Variants in GPC3 observed in about 807,000 individuals in gnomAD.
The protein encoded by GPC3 is glypican-3.
A neutral mutation model predicts 34.4 loss-of-function variants in GPC3; 3 were observed. That is an observed-to-expected ratio of 0.09 (90% CI 0.04 to 0.23). GPC3 has a LOEUF of 0.23. Ranked by LOEUF, GPC3 falls within the 10% of genes least tolerant of loss-of-function variation. GPC3 has a pLI of 1.00. For missense variants in GPC3, 351 were observed against 445.6 expected (o/e 0.79, Z 1.91); for synonymous variants, 177 against 174.0 (o/e 1.02, Z -0.13).
intron 2 of GPC3, among the ~76,000 whole-genome samples, chrX:133,840,348 C>A (rs1375286885): frequency 9.0e-6 from 1 of 110,513 alleles, no homozygotes; most frequent in African/African-American, 3.3e-5. Flanking sequence ...GTGATTGAGG[C>A]TAGGGGAGGG....
At chrX:133,707,281 A>G (rs2071227000) in intron 3 of GPC3, among the ~76,000 whole-genome samples, 1 of 111,562 alleles carries the variant, frequency 9.0e-6, no homozygotes, top group East Asian at 2.8e-4. Flanking sequence ...GGGTGATGGG[A>G]CCATCCATAC....
intron 3 of GPC3, among the ~76,000 whole-genome samples, chrX:133,701,473 C>T (rs1211052402): frequency 8.9e-6 from 1 of 112,034 alleles, no homozygotes; most frequent in East Asian, 2.8e-4. Flanking sequence ...CAGTGGCTTA[C>T]ATTCTCCATT....
rs1437632202 is a variant in GPC3 at position 133,788,109 on chromosome X, T to TATAC, written c.338-33934_338-33933insGTAT. Among the ~76,000 whole-genome samples the TATAC allele has an allele frequency of 7.8e-5, 7 of 89,625 alleles. No individual in the cohort carries two copies. The East Asian group carries it at 2.5e-3, about 32-fold the overall frequency. 77.8% of individuals were successfully genotyped at this position (89,625 alleles called of 115,157 possible). ...TATTTTATATATATATATATATATATATATATATATATATGTATGTATATA... is the reference window on the plus strand; with the variant it reads ...TATTTTATATATATATATATATATATATACATATATATATATATGTATGTATATA... On this transcript the variant is annotated intron_variant, in intron 2 of 7. Transcript: ENST00000370818.
chrX:133,728,601 T>C (rs1032530262), intron 3 of GPC3, among the ~76,000 whole-genome samples: 3 of 112,732 alleles, frequency 2.7e-5, no homozygotes, highest in African/African-American at 9.7e-5. Flanking sequence ...CAGCACTGTA[T>C]CTATGCAGGT....
At chrX:133,958,013 T>C (rs1184528524) in intron 1 of GPC3, among the ~76,000 whole-genome samples, 1 of 111,580 alleles carries the variant, frequency 9.0e-6, no homozygotes, top group Non-Finnish European at 1.9e-5. Flanking sequence ...CTAAAAAAAT[T>C]AACTGAAGTC....
chrX:133,741,560 G>A (rs933064359), intron 3 of GPC3, among the ~76,000 whole-genome samples: 1 of 112,250 alleles, frequency 8.9e-6, no homozygotes, highest in Non-Finnish European at 1.9e-5. Flanking sequence ...ACTGGGTCTG[G>A]TTCTGGGCAA....
intron 7 of GPC3, among the ~76,000 whole-genome samples, chrX:133,580,114 G>A (rs928967236): frequency 1.8e-5 from 2 of 112,002 alleles, no homozygotes; most frequent in African/African-American, 6.5e-5. Context: ...GTTGGGGCCA[G>A]ATTAGGAAAG....
At chrX:133,617,259 C>A (rs1362880029) in intron 6 of GPC3, among the ~76,000 whole-genome samples, 1 of 111,491 alleles carries the variant, frequency 9.0e-6, no homozygotes, top group African/African-American at 3.3e-5. Flanking sequence ...TTTTCTAATT[C>A]TATTGTCTCA....
chrX:133,770,849 T>C (rs1267151008), intron 2 of GPC3, among the ~76,000 whole-genome samples: 1 of 112,237 alleles, frequency 8.9e-6, no homozygotes, highest in Non-Finnish European at 1.9e-5. Context: ...AGGATTGTTC[T>C]TCTATTTTCT....
intron 2 of GPC3, among the ~76,000 whole-genome samples, chrX:133,893,987 C>T (rs1031236011): frequency 3.6e-5 from 4 of 110,626 alleles, no homozygotes; most frequent in Non-Finnish European, 5.7e-5. Flanking sequence ...GGATTACAGG[C>T]GCCCGCCATC....
chrX:133,661,932 T>C, intron 5 of GPC3, 82 bp from the exon 6 acceptor site: 2 of 1,113,097 alleles, frequency 1.8e-6, no homozygotes, highest in Non-Finnish European at 2.5e-6. Flanking sequence ...GCATCAACAG[T>C]CAGACTGACC....
At chrX:133,931,606 A>G (rs1370494007) in intron 2 of GPC3, among the ~76,000 whole-genome samples, 1 of 111,984 alleles carries the variant, frequency 8.9e-6, no homozygotes, top group Non-Finnish European at 1.9e-5. Flanking sequence ...TAACAGGATT[A>G]CTGCAGGGAT....
chrX:133,739,053 C>T (rs1478796793), intron 3 of GPC3, among the ~76,000 whole-genome samples: 1 of 111,147 alleles, frequency 9.0e-6, no homozygotes, highest in Admixed American at 9.6e-5. Flanking sequence ...TCTTAGTGTG[C>T]CTAATTTATA....
rs747126955 is a variant in GPC3 at position 133,721,184 on chromosome X, G to T, written c.1033-21156C>A. Among the ~76,000 whole-genome samples the T allele has an allele frequency of 2.8e-5, 3 of 108,535 alleles. No individual in the cohort carries two copies. The South Asian group carries it at 1.2e-3, about 42-fold the overall frequency. 94.2% of individuals were successfully genotyped at this position (108,535 alleles called of 115,157 possible). ...GACTAAAATGGAAATAACTGAAATA[G>T]ATAATAGAAAAACATTAGAGAAAAT... On this transcript the variant is annotated intron_variant, in intron 3 of 7. Coordinates refer to ENST00000370818, the MANE Select transcript of GPC3 (RefSeq NM_004484.4).
At position 133,799,082 on chromosome X, in the gene GPC3, A is replaced by T. The variant is rs2284121; in HGVS notation, c.338-44906T>A. On this transcript the variant is annotated intron_variant, in intron 2 of 7. Coordinates refer to ENST00000370818, the MANE Select transcript of GPC3 (RefSeq NM_004484.4). The stretch of plus-strand genomic sequence containing the variant: ...GCTTCTGAGTGCAGGGCTTTGTGTG[A>T]CTGCACAGTTGCACGATCCTGAAGT... Among the ~76,000 whole-genome samples, 1,708 of 112,092 alleles carry T rather than the reference A, an allele frequency of 0.015. 96 individuals are homozygous for T. In the East Asian group the frequency reaches 0.25, roughly 16 times the overall value.
intron 2 of GPC3, among the ~76,000 whole-genome samples, chrX:133,826,131 C>T (rs186302780): frequency 3.6e-5 from 4 of 111,627 alleles, no homozygotes; most frequent in South Asian, 3.8e-4. Flanking sequence ...ACAAAAGACA[C>T]GCAAAGAAAC....
intron 2 of GPC3, among the ~76,000 whole-genome samples, chrX:133,859,702 C>T (rs1207604352): frequency 8.9e-6 from 1 of 112,543 alleles, no homozygotes; most frequent in East Asian, 2.8e-4. Context: ...GTTTGCAAAG[C>T]ATCATCAGTA....
At chrX:133,536,589 T>C (rs192657733) in intron 7 of GPC3, among the ~76,000 whole-genome samples, 133 of 110,324 alleles carry the variant, frequency 1.2e-3, no homozygotes, top group African/African-American at 4.2e-3. Flanking sequence ...GCATCCACAT[T>C]GTAGGGTGCA....
intron 2 of GPC3, among the ~76,000 whole-genome samples, chrX:133,822,751 T>G (rs779997517): frequency 1.3e-4 from 15 of 111,177 alleles, no homozygotes; most frequent in Non-Finnish European, 2.4e-4. Context: ...ATTAAACTAA[T>G]TACCACAGAC....
Sources: gnomAD v4.1 joint callset for allele counts (sites outside exome capture counted in the v4.1 genomes callset) on GRCh38, gnomAD v4.1.1 for gene constraint, MANE v1.5 for transcripts, NCBI Gene and HGNC (gene_info 2026-07-23, HGNC 2026-07-21) for gene names.